The following ZNF831 variants were observed in gnomAD, a reference collection of about 807,000 sequenced individuals.
ZNF831 encodes chromosome 20 open reading frame 174.
ZNF831 carries 59 observed loss-of-function variants against 95.8 expected under a neutral mutation model. The observed-to-expected ratio is 0.62, with a 90% CI of 0.50 to 0.77. ZNF831 has a LOEUF of 0.77. Ranked by LOEUF, ZNF831 falls within the 30% of genes least tolerant of loss-of-function variation. ZNF831 has a pLI of 0.00. For synonymous variants in ZNF831, 961 were observed against 925.5 expected, an observed-to-expected ratio of 1.04 and a Z score of -0.70; for missense variants, 2,205 against 2,164.0, an observed-to-expected ratio of 1.02 and a Z score of -0.38.
rs1988193145 is a variant in ZNF831, at chr20:59,256,473, G to A, written c.*1730G>A. On this transcript the variant is annotated 3_prime_UTR_variant, in exon 6 of 6. Transcript: ENST00000371030. ...GGATTCATGCCACTGTAATGAGAGA[G>A]GCAGTGTAGGCAAATGGTCTGAGCC... 1 of 152,222 alleles carries A rather than the reference G, an allele frequency of 6.6e-6. No homozygotes were observed. The highest frequency in any genetic ancestry group is 6.5e-5 in the Admixed American group (1 of 15,280). 9.4% of individuals were successfully genotyped at this position (152,222 alleles called of 1,614,324 possible).
intron 4 of ZNF831, among the ~76,000 whole-genome samples, chr20:59,249,900 C>T (rs139561810): frequency 2.7e-4 from 41 of 152,138 alleles, no homozygotes; most frequent in African/African-American, 8.7e-4. Flanking sequence ...CAAGGAGAAA[C>T]GACTTGGAGA....
In ZNF831 at chr20:59,151,030, C is replaced by G. The variant is rs575582641; in HGVS notation, c.-1281+4656C>G. 1.2e-4 allele frequency among the ~76,000 whole-genome samples: 19 copies of G among 152,324 alleles called. No individual in the cohort carries two copies. In the South Asian group the frequency reaches 3.9e-3, roughly 32 times the overall value. On this transcript the variant is annotated intron_variant, in intron 2 of 7. Coordinates refer to the ZNF831 transcript ENST00000637017. ...GAGACCCATGAGCACAGCCTCCAGC[C>G]GTCCATGGGTTTCCGATAGTGCAGG...
chr20:59,193,448 G>A lies in ZNF831; in HGVS notation c.2429G>A (p.Ser810Asn), dbSNP rs1261267998. ...GCCCAGACTGTCCTGAGATGGCCCA[G>A]CAGGGGCTCAGGGGAGGACAAGCTC... ...LWAQTVLRWP[S>N]RGSGEDKLPS... The change falls in exon 2 of 6, where the codon AGC (serine) becomes AAC (asparagine). Residue 810 changes from serine to asparagine, a missense_variant. Physicochemically the swap from Ser to Asn is conservative, Grantham distance 46. Transcript: ENST00000371030. 1.2e-6 allele frequency: 2 copies of A among 1,605,462 alleles called. No homozygotes were observed. Among genetic ancestry groups the A allele is most frequent in the East Asian group, 2.2e-5 (1 of 44,882 alleles).
rs1207159646 is a variant in ZNF831, at chr20:59,192,024, G to C, written c.1005G>C (p.Arg335=). ...KPWDAKAPEG[R]LRKCESTDSG... The stretch of plus-strand genomic sequence containing the variant: ...GGGATGCCAAGGCCCCCGAGGGCCG[G>C]CTGCGGAAGTGTGAGAGCACCGACT... The change falls in exon 2 of 6, where the codon CGG becomes CGC. Residue 335 remains arginine (R), a synonymous_variant. Transcript: ENST00000371030. This position sits in a 1 kb window ranked among gnomAD's most constrained non-coding sequence, Gnocchi z 5.2. 7 of 1,608,556 alleles carry C rather than the reference G, an allele frequency of 4.4e-6. No homozygotes were observed. Among genetic ancestry groups the C allele is most frequent in the Non-Finnish European group, 2.5e-6 (3 of 1,178,876 alleles).
At chr20:59,247,257 G>A (rs1412121152) in intron 4 of ZNF831, among the ~76,000 whole-genome samples, 1 of 152,156 alleles carries the variant, frequency 6.6e-6, no homozygotes, top group Non-Finnish European at 1.5e-5. Context: ...TTGGGTTGGG[G>A]TCCTATTTCA....
At chr20:59,212,347 A>T (rs1042543590) in intron 4 of ZNF831, among the ~76,000 whole-genome samples, 2 of 152,222 alleles carry the variant, frequency 1.3e-5, no homozygotes, top group Admixed American at 6.5e-5. Flanking sequence ...CCTACCGTGT[A>T]AGATTGTACA....
chr20:59,248,883 A>G (rs1987747598), intron 4 of ZNF831, among the ~76,000 whole-genome samples: 1 of 151,996 alleles, frequency 6.6e-6, no homozygotes, highest in African/African-American at 2.4e-5. Flanking sequence ...GGATTATCCT[A>G]GTAAGCTTGT....
In ZNF831 at chr20:59,238,359, A is replaced by C. The variant is rs545710479; in HGVS notation, c.4028-14619A>C. Among the ~76,000 whole-genome samples, 147 of 152,190 alleles carry C rather than the reference A, an allele frequency of 9.7e-4. 2 individuals carry two copies. The highest frequency in any genetic ancestry group is 2.6e-4 in the Non-Finnish European group (18 of 67,996). ...CATCCACCAAGTGTCCTGACCCCCC[A>C]GTTTCCTCTGGAATCAGTGCATCTC... On this transcript the variant is annotated intron_variant, in intron 4 of 5. Transcript: ENST00000371030.
At chr20:59,215,076 T>G (rs1323898051) in intron 4 of ZNF831, among the ~76,000 whole-genome samples, 1 of 152,242 alleles carries the variant, frequency 6.6e-6, no homozygotes, top group African/African-American at 2.4e-5. Context: ...GTGCTAAAAG[T>G]TCCATTAACT....
chr20:59,211,828 T>C (rs1985356397), intron 4 of ZNF831, among the ~76,000 whole-genome samples: 2 of 151,114 alleles, frequency 1.3e-5, no homozygotes, highest in African/African-American at 2.5e-5. Flanking sequence ...AGTGTGCCTG[T>C]GTTTTTTTCT....
At chr20:59,219,793 C>T (rs538562193) in intron 4 of ZNF831, among the ~76,000 whole-genome samples, 75 of 152,262 alleles carry the variant, frequency 4.9e-4, no homozygotes, top group Middle Eastern at 3.4e-3. Flanking sequence ...CTAAGTGTTT[C>T]CCTTAGCAAT....
chr20:59,196,675 C>T (rs1402878123), intron 3 of ZNF831, among the ~76,000 whole-genome samples: 3 of 152,194 alleles, frequency 2.0e-5, no homozygotes, highest in Admixed American at 1.3e-4. Flanking sequence ...CGCCCTCCAC[C>T]CTCATCCCAT....
intron 1 of ZNF831, among the ~76,000 whole-genome samples, chr20:59,125,493 C>G (rs1444037999): frequency 6.6e-6 from 1 of 152,136 alleles, no homozygotes; most frequent in Non-Finnish European, 1.5e-5. Context: ...GATCCCCAGG[C>G]ACTTCGTGTG....
rs1229223449 is a variant in ZNF831 at position 59,191,962 on chromosome 20, C to G, written c.943C>G (p.Leu315Val). 3.1e-6 allele frequency: 5 copies of G among 1,607,210 alleles called. No homozygotes were observed. Among genetic ancestry groups the G allele is most frequent in the Non-Finnish European group, 4.2e-6 (5 of 1,177,530 alleles). The change falls in exon 2 of 6, where the codon CTG (leucine) becomes GTG (valine). Residue 315 changes from leucine (L) to valine (V), a missense_variant. Leu to Val is a conservative substitution (Grantham distance 32). Coordinates refer to ENST00000371030, the MANE Select transcript of ZNF831 (RefSeq NM_178457.3). ...GCCGACCGCCGGGAAGCCGTGCGCC[C>G]TGCAGCGGCAGCAGGCGACGGCAGC... The part of the protein sequence containing the change: ...KSPTAGKPCA[L>V]QRQQATAAEK...
rs1184873694 is a variant in ZNF831 at position 59,192,483 on chromosome 20, C to A, written c.1464C>A (p.Val488=). The part of the protein sequence containing the change: ...DKSRPLFFHS[V]PTQLSTTVEC... The stretch of plus-strand genomic sequence containing the variant: ...CTCGGCCCCTCTTCTTCCACTCCGT[C>A]CCCACTCAGCTCTCCACCACCGTGG... The change falls in exon 2 of 6, where the codon GTC becomes GTA. Residue 488 remains valine (V), a synonymous_variant. Transcript: ENST00000371030. The surrounding 1 kb of genome is among the most constrained non-coding windows in gnomAD (Gnocchi z 5.2). 6.3e-7 allele frequency: 1 copy of A among 1,576,888 alleles called. No individual in the cohort carries two copies. The highest frequency in any genetic ancestry group is 1.2e-5 in the South Asian group (1 of 84,800).
Position 59,217,397 on chromosome 20 carries a change from C to T in ZNF831, c.4027+10341C>T, listed in dbSNP as rs142826910. ...GTTTGGTCATCACCAGTGTTTCACA[C>T]TTGCATCATGCTCCTTGGACACACT... On this transcript the variant is annotated intron_variant, in intron 4 of 5. Transcript: ENST00000371030. This position sits in a 1 kb window ranked among gnomAD's most constrained non-coding sequence, Gnocchi z 4.4. Among the ~76,000 whole-genome samples, 121 of 152,356 alleles carry T rather than the reference C, an allele frequency of 7.9e-4. No individual in the cohort carries two copies. The highest frequency in any genetic ancestry group is 2.8e-3 in the African/African-American group (116 of 41,598).
At chr20:59,236,877 G>A (rs79896622) in intron 4 of ZNF831, among the ~76,000 whole-genome samples, 3,555 of 151,942 alleles carry the variant, frequency 0.023, 134 homozygotes, top group African/African-American at 0.081. Context: ...TTTTCCCCCC[G>A]TTTTTTTCTT....
chr20:59,225,848 C>A (rs1039707902), intron 4 of ZNF831, among the ~76,000 whole-genome samples: 1 of 152,098 alleles, frequency 6.6e-6, no homozygotes. Context: ...AAACCCAGCT[C>A]AAAAAGGTTT....
In ZNF831 at chr20:59,255,149, G is replaced by C. The variant is rs916575099; in HGVS notation, c.*406G>C. 1 of 168,656 alleles carries C rather than the reference G, an allele frequency of 5.9e-6. No individual in the cohort carries two copies. The allele number at this position is 168,656 out of a possible 1,614,324, so 10.4% of individuals were successfully genotyped here. On this transcript the variant is annotated 3_prime_UTR_variant, in exon 6 of 6. Coordinates refer to ENST00000371030, the MANE Select transcript of ZNF831 (RefSeq NM_178457.3). ...CTCCACAAGTGGACCCCACACAGTC[G>C]AGGCAACTGGCTTTCTCCATTAGTA... is the stretch of plus-strand genomic sequence containing the variant.
Sources: gnomAD v4.1 joint callset for allele counts (sites outside exome capture counted in the v4.1 genomes callset) on GRCh38, gnomAD v4.1.1 for gene constraint, Gnocchi (gnomAD v3.1) non-coding constraint, MANE v1.5 for transcripts, NCBI Gene and HGNC (gene_info 2026-07-23, HGNC 2026-07-21) for gene names.